KIF26A: variants seen among roughly 807,000 people sequenced by gnomAD.
KIF26A encodes kinesin-like protein KIF26A.
A neutral mutation model predicts 126.0 loss-of-function variants in KIF26A; 74 were observed. The observed-to-expected ratio is 0.59, with a 90% confidence interval of 0.49 to 0.71. The LOEUF is 0.71. Ranked by LOEUF, KIF26A falls within the 30% of genes least tolerant of loss-of-function variation. The pLI is 0.00. For missense variants in KIF26A, 2,984 were observed against 2,763.3 expected (o/e 1.08, Z -1.79); for synonymous variants, 1,445 against 1,232.7 (o/e 1.17, Z -3.61).
chr14:104,162,695 G>A lies in KIF26A; in HGVS notation c.924-4164G>A, dbSNP rs565676856. Among the ~76,000 whole-genome samples the A allele has an allele frequency of 1.6e-3, 240 of 152,306 alleles. 1 individual carries two copies. Among genetic ancestry groups the A allele is most frequent in the African/African-American group, 4.8e-3 (198 of 41,568 alleles). ...AGGGGCTGCAGGGGAGGGTGGAGGA[G>A]CTGGCTCTGGGTGGGCGTGACCTCT... is the stretch of plus-strand genomic sequence containing the variant. On this transcript the variant is annotated intron_variant, in intron 4 of 14. Coordinates refer to ENST00000423312, the MANE Select transcript of KIF26A (RefSeq NM_015656.2).
At chr14:104,161,931 G>T (rs1014231936) in intron 4 of KIF26A, among the ~76,000 whole-genome samples, 5 of 152,186 alleles carry the variant, frequency 3.3e-5, no homozygotes, top group African/African-American at 1.2e-4. Context: ...GCAGTGTTGG[G>T]TGTGGGCAGT....
intron 2 of KIF26A, among the ~76,000 whole-genome samples, chr14:104,142,896 G>A (rs2037649709): frequency 6.6e-6 from 1 of 152,174 alleles, no homozygotes; most frequent in Admixed American, 6.5e-5. Flanking sequence ...CGGGACTGCT[G>A]GGGCTGGATT....
chr14:104,149,849 G>T (rs1212414002), intron 2 of KIF26A, among the ~76,000 whole-genome samples: 1 of 152,202 alleles, frequency 6.6e-6, no homozygotes. Flanking sequence ...GCTCCAGAAC[G>T]GCGAGCTGGG....
chr14:104,179,385 G>C lies in KIF26A; in HGVS notation c.5466G>C (p.Gln1822His). The part of the protein sequence containing the change: ...LMLEPGRWLE[Q>H]FEVDPELEPE... ...TGGAGCCTGGCCGCTGGCTGGAGCA[G>C]TGTGAGTCCCGCCCGCCCACGGACC... Residue 1822 changes from glutamine (Q) to histidine (H), a missense_variant and splice_region_variant, in exon 14 of 15, where the codon CAG becomes CAC. Physicochemically the swap from Gln to His is conservative, Grantham distance 24 (BLOSUM62 0). Transcript: ENST00000423312. The C allele has an allele frequency of 2.0e-6, 3 of 1,513,314 alleles. No homozygotes were observed. Among genetic ancestry groups the C allele is most frequent in the Non-Finnish European group, 2.6e-6 (3 of 1,135,372 alleles). The allele number at this position is 1,513,314 out of a possible 1,614,324, so 93.7% of individuals were successfully genotyped here. A position where few individuals can be genotyped will look rare whatever the true frequency, so the allele number is the denominator to read the frequency against.
At chr14:104,165,631 GTGTC>G (rs924748005) in intron 4 of KIF26A, among the ~76,000 whole-genome samples, 9 of 141,478 alleles carry the variant, frequency 6.4e-5, no homozygotes, top group Admixed American at 5.4e-4. Context: ...ATGCATGTGT[GTGTC>G]TGTGTTTCTG....
Position 104,176,379 on chromosome 14 carries a change from G to A in KIF26A, c.3591G>A (p.Ser1197=), listed in dbSNP as rs752194031. Residue 1197 remains serine (S), a synonymous_variant, in exon 12 of 15, where the codon TCG becomes TCA. Coordinates refer to ENST00000423312, the MANE Select transcript of KIF26A (RefSeq NM_015656.2). The part of the protein sequence containing the change: ...RPGREPQAGP[S]RWASAAQTIH... Reference sequence around the variant, plus strand: ...GCAGGGAGCCCCAGGCCGGGCCCTCGCGGTGGGCATCCGCAGCCCAGACCA... The same window carrying A: ...GCAGGGAGCCCCAGGCCGGGCCCTCACGGTGGGCATCCGCAGCCCAGACCA... 21 of 1,585,304 alleles carry A rather than the reference G, an allele frequency of 1.3e-5. No individual in the cohort carries two copies. Among genetic ancestry groups the A allele is most frequent in the South Asian group, 6.8e-5 (6 of 88,600 alleles).
In KIF26A at chr14:104,176,919, G is replaced by C; in HGVS notation, c.4131G>C (p.Pro1377=). 1.3e-6 allele frequency: 2 copies of C among 1,520,494 alleles called. No homozygotes were observed. Among genetic ancestry groups the C allele is most frequent in the South Asian group, 2.4e-5 (2 of 83,602 alleles). 94.2% of individuals were successfully genotyped at this position (1,520,494 alleles called of 1,614,324 possible). Reference sequence around the variant, plus strand: ...CCAGCCTGGAGCAGAGGAGCAGCCCGGCCTCGGCCCCTCCGCATGCTGTGA... The same window carrying C: ...CCAGCCTGGAGCAGAGGAGCAGCCCCGCCTCGGCCCCTCCGCATGCTGTGA... ...RKSSLEQRSS[P]ASAPPHAVNP... The change falls in exon 12 of 15, where the codon CCG becomes CCC. Residue 1377 remains proline (P), a synonymous_variant. Coordinates refer to ENST00000423312, the MANE Select transcript of KIF26A (RefSeq NM_015656.2).
At position 104,138,718 on chromosome 14, in the gene KIF26A, CG is replaced by C; in HGVS notation, c.-3del. On this transcript the variant is annotated 5_prime_UTR_variant, in exon 1 of 15. Transcript: ENST00000423312. Reference sequence around the variant, plus strand: ...CGCCTGCCGGGCTCTTCCCGCGCCCCGGCCATGGTCGGCCGCGGCGTCCCTC... The same window carrying C: ...CGCCTGCCGGGCTCTTCCCGCGCCCCGCCATGGTCGGCCGCGGCGTCCCTC... 7.9e-7 allele frequency: 1 copy of C among 1,265,100 alleles called. No homozygotes were observed. Among genetic ancestry groups the C allele is most frequent in the Non-Finnish European group, 9.9e-7 (1 of 1,007,150 alleles). The allele number at this position is 1,265,100 out of a possible 1,614,324, so 78.4% of individuals were successfully genotyped here.
intron 4 of KIF26A, among the ~76,000 whole-genome samples, chr14:104,158,760 T>C (rs2037806595): frequency 6.6e-6 from 1 of 152,074 alleles, no homozygotes; most frequent in African/African-American, 2.4e-5. Context: ...GGAGTTGGCA[T>C]GGAGGGGCGT....
At chr14:104,144,318 G>T (rs1358365836) in intron 2 of KIF26A, among the ~76,000 whole-genome samples, 3 of 152,178 alleles carry the variant, frequency 2.0e-5, no homozygotes, top group East Asian at 3.9e-4. Flanking sequence ...GTCGGGGCAG[G>T]GACGTGCTCT....
Position 104,173,692 on chromosome 14 carries a change from C to T in KIF26A, c.1868-14C>T, listed in dbSNP as rs762261525. On this transcript the variant is annotated splice_polypyrimidine_tract_variant and intron_variant, in intron 9 of 14. Coordinates refer to ENST00000423312, the MANE Select transcript of KIF26A (RefSeq NM_015656.2). Reference sequence around the variant, plus strand: ...CCCTGGCTACACCATCATTTGCTTGCCTTGTGGTTCCAGTGTCCGGAGGCC... The same window carrying T: ...CCCTGGCTACACCATCATTTGCTTGTCTTGTGGTTCCAGTGTCCGGAGGCC... 10 of 1,609,882 alleles carry T rather than the reference C, an allele frequency of 6.2e-6. No individual in the cohort carries two copies. Among genetic ancestry groups the T allele is most frequent in the Admixed American group, 1.7e-5 (1 of 59,804 alleles).
intron 4 of KIF26A, among the ~76,000 whole-genome samples, chr14:104,160,653 C>A (rs2037824637): frequency 6.6e-6 from 1 of 152,148 alleles, no homozygotes; most frequent in Admixed American, 6.5e-5. Flanking sequence ...GCTCTGGTGA[C>A]CCCCAGGGTT....
rs1189242015 is a variant in KIF26A, at chr14:104,179,653, G to A, written c.5512G>A (p.Ala1838Thr). ...GGAGCCCGAGTCGGCCGAGTACCTG[G>A]CGGCCCTGGAGCGAGCCACGGCGGC... ...ELEPESAEYLAALERATAALE... is the reference protein window; with the variant it reads ...ELEPESAEYLTALERATAALE... The change falls in exon 15 of 15, where the codon GCG (alanine) becomes ACG (threonine). Residue 1838 changes from alanine to threonine, a missense_variant. Coordinates refer to ENST00000423312, the MANE Select transcript of KIF26A (RefSeq NM_015656.2). 9 of 1,546,230 alleles carry A rather than the reference G, an allele frequency of 5.8e-6. No individual in the cohort carries two copies. The Admixed American group carries it at 1.6e-4, about 27-fold the overall frequency.
At chr14:104,163,037 C>T (rs990184800) in intron 4 of KIF26A, among the ~76,000 whole-genome samples, 4 of 152,190 alleles carry the variant, frequency 2.6e-5, no homozygotes, top group Admixed American at 6.5e-5. Context: ...AAAGCGGGGC[C>T]GCAGCTTCTT....
At chr14:104,141,628 T>A (rs2037638078) in intron 2 of KIF26A, among the ~76,000 whole-genome samples, 1 of 150,138 alleles carries the variant, frequency 6.7e-6, no homozygotes, top group Non-Finnish European at 1.5e-5. Flanking sequence ...CCTGCCTGTC[T>A]CCGTTGTAGA....
chr14:104,140,330 G>T (rs182332508), intron 2 of KIF26A, among the ~76,000 whole-genome samples: 440 of 152,268 alleles, frequency 2.9e-3, no homozygotes, highest in Admixed American at 4.0e-3. Flanking sequence ...GGCTGGACCC[G>T]CCCTGTCCTC....
Position 104,138,617 on chromosome 14 carries a change from TG to T in KIF26A, c.-103del. The T allele has an allele frequency of 1.1e-6, 1 of 916,114 alleles. No individual in the cohort carries two copies. The highest frequency in any genetic ancestry group is 1.4e-6 in the Non-Finnish European group (1 of 714,556). 56.7% of individuals were successfully genotyped at this position (916,114 alleles called of 1,614,324 possible). A position where few individuals can be genotyped will look rare whatever the true frequency, so the allele number is the denominator to read the frequency against. On this transcript the variant is annotated 5_prime_UTR_variant, in exon 1 of 15. Coordinates refer to ENST00000423312, the MANE Select transcript of KIF26A (RefSeq NM_015656.2). ...CAGGCTCTGCGAACTTCCGAGCGGC[TG>T]GGCCGGGCCATGGGGGCGCCTCGGG...
rs558676234 is a variant in KIF26A, at chr14:104,164,891, G to A, written c.924-1968G>A. On this transcript the variant is annotated intron_variant, in intron 4 of 14. Transcript: ENST00000423312. ...TGTGCCTGTGTCTCTCTGTATATGT[G>A]TCTCTGTGTCTTTATGTGTCTGTCT... Among the ~76,000 whole-genome samples, 3 of 146,624 alleles carry A rather than the reference G, an allele frequency of 2.0e-5. No individual in the cohort carries two copies. In the South Asian group the frequency reaches 6.7e-4, roughly 33 times the overall value.
chr14:104,149,154 C>T (rs892266728), intron 2 of KIF26A, among the ~76,000 whole-genome samples: 14 of 152,172 alleles, frequency 9.2e-5, no homozygotes, highest in African/African-American at 3.4e-4. Context: ...TGCCCTAGGC[C>T]GGTCTCGCAT....
Sources: gnomAD v4.1 joint callset for allele counts (sites outside exome capture counted in the v4.1 genomes callset) on GRCh38, gnomAD v4.1.1 for gene constraint, MANE v1.5 for transcripts, NCBI Gene and HGNC (gene_info 2026-07-23, HGNC 2026-07-21) for gene names.